CHRNB1: variants seen among roughly 807,000 people sequenced by gnomAD.
CHRNB1 encodes the protein cholinergic receptor nicotinic beta 1 subunit.
In CHRNB1, 47 loss-of-function variants were observed where a neutral mutation model predicts 53.8. The ratio of observed to expected loss-of-function variants is 0.87; its 90% CI spans 0.69 to 1.11. The LOEUF is 1.11. CHRNB1 is among the 50% of genes most tolerant of loss of function. The probability of loss-of-function intolerance (pLI) is 0.00; values close to 1 mark genes in which losing one functional copy is unlikely to be tolerated. For synonymous variants in CHRNB1, 259 were observed against 263.5 expected, an observed-to-expected ratio of 0.98 and a Z score of 0.16; for missense variants, 605 against 654.9, an observed-to-expected ratio of 0.92 and a Z score of 0.83.
In CHRNB1 at chr17:7,456,813, C is replaced by G. The variant is rs2069957624; in HGVS notation, c.*90C>G. ...CCCTATCCTTCTCTGCCTCTTAACT[C>G]CTTCACGAGGAATCTGGGCCTCTTA... On this transcript the variant is annotated 3_prime_UTR_variant, in exon 11 of 11. Coordinates refer to ENST00000306071, the MANE Select transcript of CHRNB1 (RefSeq NM_000747.3). 5.2e-6 allele frequency: 8 copies of G among 1,540,490 alleles called. No homozygotes were observed. Among genetic ancestry groups the G allele is most frequent in the Non-Finnish European group, 7.1e-6 (8 of 1,120,162 alleles).
At chr17:7,448,069 C>A (rs868429982) in intron 6 of CHRNB1, among the ~76,000 whole-genome samples, 1 of 68,080 alleles carries the variant, frequency 1.5e-5, no homozygotes, top group Non-Finnish European at 2.5e-5. Flanking sequence ...AGTGAAAGTT[C>A]GTCTCAAAAA....
At chr17:7,453,401 G>A (rs1908956041) in intron 7 of CHRNB1, among the ~76,000 whole-genome samples, 1 of 152,080 alleles carries the variant, frequency 6.6e-6, no homozygotes, top group East Asian at 1.9e-4. Context: ...TTACGGGTGT[G>A]AGCCACTGTA....
At chr17:7,453,259 A>G (rs1372860162) in intron 7 of CHRNB1, among the ~76,000 whole-genome samples, 2 of 152,054 alleles carry the variant, frequency 1.3e-5, no homozygotes, top group African/African-American at 4.8e-5. Context: ...CTGGGACTAC[A>G]GGCACCCACC....
rs779467380 is a variant in CHRNB1 at position 7,454,479 on chromosome 17, C to G, written c.1003C>G (p.Arg335Gly). ...LSVVVLNLHH[R>G]SPHTHQMPLW... ...TGTCGTGGTTCTCAACCTGCACCAC[C>G]GCTCACCCCACACCCACCAAATGCC... Residue 335 changes from arginine (R) to glycine (G), a missense_variant, in exon 8 of 11, where the codon CGC (arginine) becomes GGC (glycine). Physicochemically the swap from Arg to Gly is moderately radical, Grantham distance 125. Coordinates refer to ENST00000306071, the MANE Select transcript of CHRNB1 (RefSeq NM_000747.3). 4 of 1,613,980 alleles carry G rather than the reference C, an allele frequency of 2.5e-6. No homozygotes were observed. The East Asian group carries it at 8.9e-5, about 36-fold the overall frequency.
At position 7,445,606 on chromosome 17, in the gene CHRNB1, T is replaced by C; in HGVS notation, c.198+197T>C. The C allele has an allele frequency of 6.8e-7, 1 of 1,461,988 alleles. No homozygotes were observed. 90.6% of individuals were successfully genotyped at this position (1,461,988 alleles called of 1,614,324 possible). ...CCGTGGGTGGTGGACGGGCCTGGAG[T>C]AGAACTGGGTAGGGTGAAGGACGGA... On this transcript the variant is annotated intron_variant, in intron 2 of 10. Transcript: ENST00000306071. This position sits in a 1 kb window ranked among gnomAD's most constrained non-coding sequence, Gnocchi z 5.7.
intron 10 of CHRNB1, 25 bp downstream of exon 10, chr17:7,455,966 G>A (rs1331087919): frequency 1.6e-5 from 26 of 1,613,756 alleles, no homozygotes; most frequent in Non-Finnish European, 2.1e-5. Flanking sequence ...GGTGGAACAA[G>A]GCCAGGTCTA....
chr17:7,453,303 G>C (rs943811240), intron 7 of CHRNB1, among the ~76,000 whole-genome samples: 5 of 152,046 alleles, frequency 3.3e-5, no homozygotes, highest in Admixed American at 1.3e-4. Flanking sequence ...ATTTTTAGTA[G>C]AGATGGGGTT....
chr17:7,446,889 G>A lies in CHRNB1; in HGVS notation c.300G>A (p.Ser100=), dbSNP rs376099204. Reference sequence around the variant, plus strand: ...CTGCGGAGCACGACGGCATCGATTCGCTCCGCATCACGGCGGAATCCGTGT... The same window carrying A: ...CTGCGGAGCACGACGGCATCGATTCACTCCGCATCACGGCGGAATCCGTGT... The part of the protein sequence containing the change: ...WDPAEHDGID[S]LRITAESVWL... The change falls in exon 4 of 11, where the codon TCG becomes TCA. Residue 100 remains serine (S), a synonymous_variant. Transcript: ENST00000306071. 38 of 1,613,848 alleles carry A rather than the reference G, an allele frequency of 2.4e-5. No homozygotes were observed. The Admixed American group carries it at 6.3e-4, about 27-fold the overall frequency.
Position 7,456,752 on chromosome 17 carries a change from T to G in CHRNB1, c.*29T>G. 6.2e-7 allele frequency: 1 copy of G among 1,614,052 alleles called. No individual in the cohort carries two copies. The highest frequency in any genetic ancestry group is 8.5e-7 in the Non-Finnish European group (1 of 1,179,970). ...CTGGAGGGTTGAGACCCAGGCCCCCTGCCAGTTGAAGTGAGAGTTTGGTGA... is the reference window on the plus strand; with the variant it reads ...CTGGAGGGTTGAGACCCAGGCCCCCGGCCAGTTGAAGTGAGAGTTTGGTGA... On this transcript the variant is annotated 3_prime_UTR_variant, in exon 11 of 11. Transcript: ENST00000306071.
At chr17:7,446,253 CACTTA>C (rs746180539) in intron 3 of CHRNB1, 140 bp downstream of exon 3, 3 of 771,626 alleles carry the variant, frequency 3.9e-6, no homozygotes, top group Non-Finnish European at 6.7e-6. Flanking sequence ...GAAGAAACAA[CACTTA>C]ACTTTACTAC....
In CHRNB1 at chr17:7,445,213, A is replaced by G. The variant is rs1326078891; in HGVS notation, c.58+28A>G. ...AAGTGTAGGCCCCGAAGGGGCAGTG[A>G]CGGGGCCAGCGGTCGTGGCCAGGCA... On this transcript the variant is annotated intron_variant, in intron 1 of 10. Transcript: ENST00000306071. The surrounding 1 kb of genome is among the most constrained non-coding windows in gnomAD (Gnocchi z 5.7). 5 of 1,611,316 alleles carry G rather than the reference A, an allele frequency of 3.1e-6. No individual in the cohort carries two copies. The highest frequency in any genetic ancestry group is 4.2e-6 in the Non-Finnish European group (5 of 1,179,440).
chr17:7,455,152 G>A, intron 8 of CHRNB1, 132 bp from the exon 9 acceptor site: 1 of 1,030,394 alleles, frequency 9.7e-7, no homozygotes, highest in South Asian at 1.4e-5. Flanking sequence ...TCCTTGTGTA[G>A]CTCGTTTGTG....
At chr17:7,454,636 C>G (rs1909007477) in intron 8 of CHRNB1, 116 bp downstream of exon 8, 1 of 812,850 alleles carries the variant, frequency 1.2e-6, no homozygotes, top group Non-Finnish European at 2.1e-6. Context: ...AAATGTTGCA[C>G]AGTTAAGCTA....
At position 7,447,066 on chromosome 17, in the gene CHRNB1, C is replaced by G; in HGVS notation, c.377C>G (p.Ala126Gly). Residue 126 changes from alanine to glycine, a missense_variant, in exon 5 of 11, where the codon GCT (alanine) becomes GGT (glycine). Ala to Gly is a moderately conservative substitution (Grantham distance 60, BLOSUM62 0). Transcript: ENST00000306071. ...AGCAATGATGGGAATTTTGACGTGGCTCTGGACATTAGCGTCGTGGTGTCC... is the reference window on the plus strand; with the variant it reads ...AGCAATGATGGGAATTTTGACGTGGGTCTGGACATTAGCGTCGTGGTGTCC... ...LNNNDGNFDV[A>G]LDISVVVSSD... The G allele has an allele frequency of 6.2e-7, 1 of 1,614,216 alleles. No homozygotes were observed. Among genetic ancestry groups the G allele is most frequent in the Non-Finnish European group, 8.5e-7 (1 of 1,180,014 alleles).
chr17:7,446,331 G>GTGTGTC (rs1555551787), intron 3 of CHRNB1: 84 of 172,560 alleles, frequency 4.9e-4, no homozygotes, highest in African/African-American at 1.2e-3. Flanking sequence ...GTGTGTCTGT[G>GTGTGTC]TGTGTGTGTG....
intron 7 of CHRNB1, among the ~76,000 whole-genome samples, chr17:7,450,040 A>AAAATAAATAAATAAAT (rs201151995): frequency 7.7e-5 from 11 of 142,888 alleles, no homozygotes; most frequent in African/African-American, 2.1e-4. Flanking sequence ...TCTGTCTCAA[A>AAAATAAATAAATAAAT]AAATAAATAA....
At chr17:7,451,283 T>C (rs1257446581) in intron 7 of CHRNB1, among the ~76,000 whole-genome samples, 2 of 140,654 alleles carry the variant, frequency 1.4e-5, no homozygotes, top group Non-Finnish European at 3.1e-5. Flanking sequence ...TCTTTTTTTT[T>C]TTTTTTTTTT....
In CHRNB1 at chr17:7,455,341, G is replaced by C. The variant is rs749009183; in HGVS notation, c.1102G>C (p.Asp368His). Residue 368 changes from aspartate (D) to histidine (H), a missense_variant, in exon 9 of 11, where the codon GAC (aspartate) becomes CAC (histidine). By Grantham distance (81) the Asp-to-His change is moderately conservative. Transcript: ENST00000306071. ...LRLKRPKPER[D>H]LMPEPPHCSS... ...TCTAAAAAGGCCCAAACCCGAGAGA[G>C]ACCTGATGCCGGAGCCCCCTCACTG... 6.2e-7 allele frequency: 1 copy of C among 1,614,086 alleles called. No individual in the cohort carries two copies. The highest frequency in any genetic ancestry group is 8.5e-7 in the Non-Finnish European group (1 of 1,180,008).
rs200182831 is a variant in CHRNB1 at position 7,450,147 on chromosome 17, C to CTTT, written c.820+1370_820+1372dup. ...GATAACTTTTGGCAAATTCCTTAAT[C>CTTT]TTTTTTTTTTTTTCGAGACAGAGTT... On this transcript the variant is annotated intron_variant, in intron 7 of 10. Transcript: ENST00000306071. Among the ~76,000 whole-genome samples, 38 of 141,028 alleles carry CTTT rather than the reference C, an allele frequency of 2.7e-4. 2 individuals carry two copies. In the East Asian group the frequency reaches 3.5e-3, roughly 13 times the overall value. 92.5% of individuals were successfully genotyped at this position (141,028 alleles called of 152,430 possible). A position where few individuals can be genotyped will look rare whatever the true frequency, so the allele number is the denominator to read the frequency against.
Sources: gnomAD v4.1 joint callset for allele counts (sites outside exome capture counted in the v4.1 genomes callset) on GRCh38, gnomAD v4.1.1 for gene constraint, Gnocchi (gnomAD v3.1) non-coding constraint, MANE v1.5 for transcripts, NCBI Gene and HGNC (gene_info 2026-07-23, HGNC 2026-07-21) for gene names.